The following GRIK3 variants were observed in gnomAD, a reference collection of about 807,000 sequenced individuals.
The protein encoded by GRIK3 is glutamate receptor ionotropic, kainate 3.
A neutral mutation model predicts 102.5 loss-of-function variants in GRIK3; 29 were observed. That is an observed-to-expected ratio of 0.28 (90% CI 0.21 to 0.39). The LOEUF (loss-of-function observed/expected upper bound fraction) is 0.39, where lower values mean the gene tolerates loss of function less well. GRIK3 is among the 10% of genes least tolerant of loss of function. The pLI, the probability that GRIK3 is intolerant of heterozygous loss-of-function variation, is 1.00. For missense variants in GRIK3, 908 were observed against 1,252.4 expected, an observed-to-expected ratio of 0.73 and a Z score of 4.15; for synonymous variants, 511 against 504.9, an observed-to-expected ratio of 1.01 and a Z score of -0.16.
At position 36,867,383 on chromosome 1, in the gene GRIK3, A is replaced by G. The variant is rs1287373873; in HGVS notation, c.786+2365T>C. ...TCTCCAGAATCTTGCCCATCATAGA[A>G]TGTCTAGCATCCCTGATCCCCACTC... On this transcript the variant is annotated intron_variant, in intron 5 of 15. Coordinates refer to ENST00000373091, the MANE Select transcript of GRIK3 (RefSeq NM_000831.4). 5.9e-5 allele frequency among the ~76,000 whole-genome samples: 9 copies of G among 152,200 alleles called. No individual in the cohort carries two copies. The East Asian group carries it at 1.7e-3, about 29-fold the overall frequency.
At chr1:36,869,963 C>T (rs1451637440) in intron 4 of GRIK3, among the ~76,000 whole-genome samples, 162 bp from the exon 5 acceptor site, 1 of 152,228 alleles carries the variant, frequency 6.6e-6, no homozygotes, top group African/African-American at 2.4e-5. Flanking sequence ...ACAATGACTG[C>T]CTGGCAGACA....
chr1:36,884,439 G>A (rs1641017081), intron 2 of GRIK3, among the ~76,000 whole-genome samples: 1 of 152,144 alleles, frequency 6.6e-6, no homozygotes, highest in Non-Finnish European at 1.5e-5. Context: ...GTCTGGGGGT[G>A]TTGCATATCT....
intron 1 of GRIK3, among the ~76,000 whole-genome samples, chr1:36,912,641 C>T (rs148342738): frequency 8.6e-4 from 131 of 152,184 alleles, no homozygotes; most frequent in African/African-American, 3.0e-3. Context: ...CGTCCTCCTC[C>T]GTATCCTCAC....
chr1:36,913,468 G>A (rs1641368408), intron 1 of GRIK3, among the ~76,000 whole-genome samples: 1 of 152,212 alleles, frequency 6.6e-6, no homozygotes, highest in Non-Finnish European at 1.5e-5. Context: ...TGCTATGCAG[G>A]TTAAATACTT....
chr1:36,997,794 A>T (rs137948897), intron 1 of GRIK3, among the ~76,000 whole-genome samples: 1 of 152,276 alleles, frequency 6.6e-6, no homozygotes, highest in East Asian at 1.9e-4. Flanking sequence ...CCTAGCCCAC[A>T]TCCTGGAAAG....
intron 2 of GRIK3, among the ~76,000 whole-genome samples, chr1:36,887,608 C>A (rs1409225994): frequency 6.6e-6 from 1 of 151,586 alleles, no homozygotes; most frequent in African/African-American, 2.4e-5. Context: ...TACAAAGAAT[C>A]ATTTGGGTGT....
chr1:37,034,115 G>T lies in GRIK3; in HGVS notation c.-7C>A, dbSNP rs770922697. 7 of 1,487,374 alleles carry T rather than the reference G, an allele frequency of 4.7e-6. No individual in the cohort carries two copies. The highest frequency in any genetic ancestry group is 6.4e-6 in the Non-Finnish European group (7 of 1,090,326). 92.1% of individuals were successfully genotyped at this position (1,487,374 alleles called of 1,614,324 possible). A position where few individuals can be genotyped will look rare whatever the true frequency, so the allele number is the denominator to read the frequency against. Reference sequence around the variant, plus strand: ...GCCGCCAGGGAGCGGTCATCGTTGGGCGCCGCCGAGCGTGCCCGGGGCGCG... The same window carrying T: ...GCCGCCAGGGAGCGGTCATCGTTGGTCGCCGCCGAGCGTGCCCGGGGCGCG... On this transcript the variant is annotated 5_prime_UTR_variant, in exon 1 of 16. Coordinates refer to ENST00000373091, the MANE Select transcript of GRIK3 (RefSeq NM_000831.4).
chr1:36,961,129 C>A (rs144428807), intron 1 of GRIK3, among the ~76,000 whole-genome samples: 1 of 152,222 alleles, frequency 6.6e-6, no homozygotes, highest in Non-Finnish European at 1.5e-5. Context: ...TGCCTCTTCT[C>A]CCCTGCACAT....
chr1:36,984,755 C>T lies in GRIK3; in HGVS notation c.115+49239G>A, dbSNP rs192615930. Among the ~76,000 whole-genome samples the T allele has an allele frequency of 7.8e-4, 119 of 152,354 alleles. 2 individuals are homozygous for T. Among genetic ancestry groups the T allele is most frequent in the Admixed American group, 6.7e-3 (103 of 15,308 alleles). On this transcript the variant is annotated intron_variant, in intron 1 of 15. Transcript: ENST00000373091. ...CTGCATGGCTGAAGGGGTGCCCCCA[C>T]GCTGGGATCATCTGACCACGTGGGC...
chr1:37,021,825 C>G (rs913868826), intron 1 of GRIK3, among the ~76,000 whole-genome samples: 1 of 152,176 alleles, frequency 6.6e-6, no homozygotes, highest in Admixed American at 6.5e-5. Flanking sequence ...CACATTGGTA[C>G]AGTAGACAGA....
rs1641409123 is a variant in GRIK3 at position 36,916,996 on chromosome 1, C to T, written c.116-25900G>A. Among the ~76,000 whole-genome samples, 3 of 152,204 alleles carry T rather than the reference C, an allele frequency of 2.0e-5. No homozygotes were observed. The South Asian group carries it at 6.2e-4, about 31-fold the overall frequency. ...AAAAACCACAGACACTCAATGCTGACCCATGAAAGCAGCCAAGATAGGGAC... is the reference window on the plus strand; with the variant it reads ...AAAAACCACAGACACTCAATGCTGATCCATGAAAGCAGCCAAGATAGGGAC... On this transcript the variant is annotated intron_variant, in intron 1 of 15. Transcript: ENST00000373091.
rs529285497 is a variant in GRIK3 at position 36,980,988 on chromosome 1, C to T, written c.115+53006G>A. Among the ~76,000 whole-genome samples the T allele has an allele frequency of 3.0e-3, 454 of 151,072 alleles. 2 individuals carry two copies. Among genetic ancestry groups the T allele is most frequent in the African/African-American group, 0.011 (435 of 40,764 alleles). On this transcript the variant is annotated intron_variant, in intron 1 of 15. Transcript: ENST00000373091. ...AGTGGATGATTATATCCTCAAAAAACGATGACCATAGCTGAAACATACTGA... is the reference window on the plus strand; with the variant it reads ...AGTGGATGATTATATCCTCAAAAAATGATGACCATAGCTGAAACATACTGA...
At chr1:36,952,035 G>A (rs1641850280) in intron 1 of GRIK3, among the ~76,000 whole-genome samples, 1 of 152,216 alleles carries the variant, frequency 6.6e-6, no homozygotes, top group Non-Finnish European at 1.5e-5. Context: ...TGTCAGCACA[G>A]GGCCTGCCCG....
intron 2 of GRIK3, among the ~76,000 whole-genome samples, chr1:36,890,564 G>T (rs956692965): frequency 1.3e-5 from 2 of 152,152 alleles, no homozygotes; most frequent in African/African-American, 4.8e-5. Context: ...CACAGAAATT[G>T]GGTCTCTGAC....
chr1:36,863,695 C>T lies in GRIK3; in HGVS notation c.787-3678G>A, dbSNP rs1308145893. ...TCTTCCAGGAAGCCCCTCCTGATTG[C>T]TCCTGTACACATGCACAACAGAGTG... On this transcript the variant is annotated intron_variant, in intron 5 of 15. Transcript: ENST00000373091. 5.3e-5 allele frequency among the ~76,000 whole-genome samples: 8 copies of T among 152,188 alleles called. No individual in the cohort carries two copies. The East Asian group carries it at 1.3e-3, about 26-fold the overall frequency.
Position 36,989,971 on chromosome 1 carries a change from C to A in GRIK3, c.115+44023G>T, listed in dbSNP as rs143971234. ...AATACTATTATTCTTACGCTTGATT[C>A]GGATGGGAGAATGGAAGCACAGGGA... On this transcript the variant is annotated intron_variant, in intron 1 of 15. Coordinates refer to ENST00000373091, the MANE Select transcript of GRIK3 (RefSeq NM_000831.4). 5.4e-3 allele frequency among the ~76,000 whole-genome samples: 816 copies of A among 152,282 alleles called. 11 individuals carry two copies. The highest frequency in any genetic ancestry group is 0.019 in the African/African-American group (770 of 41,564).
In GRIK3 at chr1:36,825,586, C is replaced by G; in HGVS notation, c.1754+17G>C. The G allele has an allele frequency of 6.5e-7, 1 of 1,537,030 alleles. No individual in the cohort carries two copies. The highest frequency in any genetic ancestry group is 1.3e-5 in the South Asian group (1 of 79,020). On this transcript the variant is annotated intron_variant, in intron 11 of 15. Coordinates refer to ENST00000373091, the MANE Select transcript of GRIK3 (RefSeq NM_000831.4). ...CTTCAACCTTGGGCCCGATGTCTGG[C>G]CAAGGAATTGCCTTACCTGGCGATG...
At chr1:36,980,567 C>T (rs1174311496) in intron 1 of GRIK3, among the ~76,000 whole-genome samples, 1 of 151,818 alleles carries the variant, frequency 6.6e-6, no homozygotes, top group African/African-American at 2.4e-5. Context: ...CAGGGACCGC[C>T]CCCCACCCCA....
At chr1:36,824,974 G>T (rs925814997) in intron 11 of GRIK3, among the ~76,000 whole-genome samples, 1 of 152,148 alleles carries the variant, frequency 6.6e-6, no homozygotes, top group Non-Finnish European at 1.5e-5. Flanking sequence ...AGTGCTTGGC[G>T]AGCACTAGGT....
Sources: allele counts gnomAD v4.1 joint callset (sites outside exome capture counted in the v4.1 genomes callset), GRCh38; gene constraint gnomAD v4.1.1; transcripts MANE v1.5; gene names NCBI Gene and HGNC (gene_info 2026-07-23, HGNC 2026-07-21).